Variants in DNAH14 observed in about 807,000 individuals in gnomAD.
DNAH14 encodes axonemal beta dynein heavy chain 14.
DNAH14 carries 478 observed loss-of-function variants against 520.9 expected under a neutral mutation model. That is an observed-to-expected ratio of 0.92 (90% CI 0.85 to 0.99). The LOEUF is 0.99. Ranked by LOEUF, DNAH14 falls within the 50% of genes least tolerant of loss-of-function variation. The probability of loss-of-function intolerance (pLI) is 0.00; values close to 1 mark genes in which losing one functional copy is unlikely to be tolerated. For missense variants in DNAH14, 4,831 were observed against 5,234.5 expected (o/e 0.92, Z 2.38); for synonymous variants, 1,581 against 1,757.2 (o/e 0.90, Z 2.51).
At chr1:224,998,913 T>G (rs2063566520) in intron 8 of DNAH14, among the ~76,000 whole-genome samples, 1 of 152,180 alleles carries the variant, frequency 6.6e-6, no homozygotes, top group African/African-American at 2.4e-5. Flanking sequence ...CAGCTTTTGT[T>G]TGACATTTTG....
At chr1:225,301,486 G>A (rs538725501) in intron 56 of DNAH14, among the ~76,000 whole-genome samples, 1 of 152,288 alleles carries the variant, frequency 6.6e-6, no homozygotes, top group East Asian at 1.9e-4. Context: ...ACTGGATAGA[G>A]CGGGTGCTAT....
At chr1:225,286,201 T>C (rs1020889167) in intron 54 of DNAH14, among the ~76,000 whole-genome samples, 10 of 152,162 alleles carry the variant, frequency 6.6e-5, no homozygotes, top group African/African-American at 7.2e-5. Flanking sequence ...TACAAAATTA[T>C]AGCTACATAG....
chr1:225,079,361 A>G lies in DNAH14; in HGVS notation c.2579A>G (p.His860Arg), dbSNP rs2072823671. Residue 860 changes from histidine to arginine, a missense_variant, in exon 18 of 86, where the codon CAT (histidine) becomes CGT (arginine). His to Arg is a conservative substitution (Grantham distance 29). Transcript: ENST00000682510. Reference protein sequence around the residue: ...TMSQLYSVAKHHQIHISEEQI... With the variant: ...TMSQLYSVAKRHQIHISEEQI... ...TCTCAGCTATATTCTGTTGCAAAGC[A>G]TCACCAGATCCATATTTCAGAAGAG... The G allele has an allele frequency of 6.4e-7, 1 of 1,550,726 alleles. No individual in the cohort carries two copies. Among genetic ancestry groups the G allele is most frequent in the Non-Finnish European group, 8.7e-7 (1 of 1,146,758 alleles).
chr1:225,171,046 A>T (rs2082586802), intron 36 of DNAH14, among the ~76,000 whole-genome samples: 1 of 152,254 alleles, frequency 6.6e-6, no homozygotes, highest in Non-Finnish European at 1.5e-5. Context: ...ATGAAGGCAG[A>T]AATAAAGATG....
At chr1:225,157,826 GAAGA>G (rs985409454) in intron 34 of DNAH14, among the ~76,000 whole-genome samples, 3 of 152,116 alleles carry the variant, frequency 2.0e-5, no homozygotes, top group Non-Finnish European at 4.4e-5. Context: ...AATACATTCA[GAAGA>G]AAGACTCAGC....
intron 8 of DNAH14, among the ~76,000 whole-genome samples, chr1:224,994,998 G>A (rs746827763): frequency 6.6e-6 from 1 of 151,970 alleles, no homozygotes; most frequent in Admixed American, 6.6e-5. Context: ...GCGTCATTTC[G>A]TAATATGTAT....
intron 23 of DNAH14, among the ~76,000 whole-genome samples, chr1:225,115,664 T>C (rs1286066593): frequency 6.6e-6 from 1 of 152,198 alleles, no homozygotes; most frequent in East Asian, 1.9e-4. Flanking sequence ...TGCAGCCAGA[T>C]TGATTCTGGT....
At chr1:224,955,389 AT>A (rs893388891) in intron 3 of DNAH14, among the ~76,000 whole-genome samples, 2 of 151,796 alleles carry the variant, frequency 1.3e-5, no homozygotes, top group African/African-American at 4.8e-5. Flanking sequence ...ATATCATGTC[AT>A]TTTTTTTGAG....
At chr1:225,097,853 G>A (rs140867990) in intron 22 of DNAH14, among the ~76,000 whole-genome samples, 1 of 152,174 alleles carries the variant, frequency 6.6e-6, no homozygotes, top group East Asian at 1.9e-4. Context: ...GAATATTAGT[G>A]TGGTTTTGAT....
chr1:225,305,726 T>C (rs2094225744), intron 58 of DNAH14, among the ~76,000 whole-genome samples: 1 of 152,152 alleles, frequency 6.6e-6, no homozygotes. Context: ...ATAACCTATA[T>C]GGAGACATGA....
chr1:225,089,999 G>A (rs562757527), intron 21 of DNAH14, among the ~76,000 whole-genome samples: 10 of 152,128 alleles, frequency 6.6e-5, no homozygotes, highest in African/African-American at 2.4e-4. Flanking sequence ...TGTCCAGATT[G>A]AAAAAGAAGA....
chr1:225,274,489 C>T (rs1178321288), intron 52 of DNAH14, among the ~76,000 whole-genome samples: 3 of 152,140 alleles, frequency 2.0e-5, no homozygotes, highest in African/African-American at 4.8e-5. Context: ...CCACCGCGCC[C>T]GGCCGCATCT....
chr1:225,333,941 G>A (rs962213251), intron 66 of DNAH14, among the ~76,000 whole-genome samples: 2 of 152,106 alleles, frequency 1.3e-5, no homozygotes, highest in African/African-American at 4.8e-5. Flanking sequence ...GGATAAAAGA[G>A]AAATGCACCT....
intron 15 of DNAH14, among the ~76,000 whole-genome samples, chr1:225,049,773 C>CTATCTAT (rs1553408761): frequency 1.2e-3 from 174 of 143,020 alleles, no homozygotes; most frequent in African/African-American, 2.7e-3. Flanking sequence ...TATCTATCTA[C>CTATCTAT]CTATCTATCT....
In DNAH14 at chr1:225,002,798, C is replaced by A. The variant is rs1193106339; in HGVS notation, c.846C>A (p.His282Gln). 3.2e-6 allele frequency: 5 copies of A among 1,548,624 alleles called. No homozygotes were observed. Among genetic ancestry groups the A allele is most frequent in the African/African-American group, 1.4e-5 (1 of 72,848 alleles). Residue 282 changes from histidine to glutamine, a missense_variant, in exon 9 of 86, where the codon CAC (histidine) becomes CAA (glutamine). Physicochemically the swap from His to Gln is conservative, Grantham distance 24. Coordinates refer to ENST00000682510, the MANE Select transcript of DNAH14 (RefSeq NM_001367479.1). ...KTEKSRSFLYHHLFLADDLFQ... is the reference protein window; with the variant it reads ...KTEKSRSFLYQHLFLADDLFQ... ...TAACTTTCAGGTCATTTTTGTACCACCATCTTTTTTTGGCTGATGACTTGT... is the reference window on the plus strand; with the variant it reads ...TAACTTTCAGGTCATTTTTGTACCAACATCTTTTTTTGGCTGATGACTTGT...
At chr1:225,039,178 A>G (rs1431267821) in intron 12 of DNAH14, among the ~76,000 whole-genome samples, 1 of 152,032 alleles carries the variant, frequency 6.6e-6, no homozygotes, top group Non-Finnish European at 1.5e-5. Flanking sequence ...CTGTGAAGAA[A>G]AATAATGGAA....
chr1:224,980,535 C>T (rs2062187612), intron 8 of DNAH14, among the ~76,000 whole-genome samples: 2 of 152,218 alleles, frequency 1.3e-5, no homozygotes, highest in Non-Finnish European at 1.5e-5. Flanking sequence ...ATCTCTGGAC[C>T]TATCCAGGGC....
chr1:225,058,712 G>T (rs1430264344), intron 17 of DNAH14, among the ~76,000 whole-genome samples: 1 of 152,208 alleles, frequency 6.6e-6, no homozygotes, highest in Non-Finnish European at 1.5e-5. Flanking sequence ...ATGTTTCGCA[G>T]AGATTCTGGT....
In DNAH14 at chr1:225,391,604, G is replaced by A. The variant is rs375007941; in HGVS notation, c.13331-687G>A. Reference sequence around the variant, plus strand: ...TAGGAAGCAGAAGCAACTGGACTCCGTGTTTGGAAGGACAGGGGTGGGGGG... The same window carrying A: ...TAGGAAGCAGAAGCAACTGGACTCCATGTTTGGAAGGACAGGGGTGGGGGG... On this transcript the variant is annotated intron_variant, in intron 83 of 85. Coordinates refer to ENST00000682510, the MANE Select transcript of DNAH14 (RefSeq NM_001367479.1). Among the ~76,000 whole-genome samples, 37 of 152,170 alleles carry A rather than the reference G, an allele frequency of 2.4e-4. 1 individual carries two copies. The East Asian group carries it at 3.3e-3, about 14-fold the overall frequency.
Sources: allele counts gnomAD v4.1 joint callset (sites outside exome capture counted in the v4.1 genomes callset), GRCh38; gene constraint gnomAD v4.1.1; transcripts MANE v1.5; gene names NCBI Gene and HGNC (gene_info 2026-07-23, HGNC 2026-07-21).